ADAMTS16: variants seen among roughly 807,000 people sequenced by gnomAD.
The protein encoded by ADAMTS16 is ADAM metallopeptidase with thrombospondin type 1 motif 16.
In ADAMTS16, 94 loss-of-function variants were observed where a neutral mutation model predicts 145.8. The ratio of observed to expected loss-of-function variants is 0.64; its 90% CI spans 0.55 to 0.77. The LOEUF is 0.77. ADAMTS16 is among the 30% of genes least tolerant of loss of function. The pLI is 0.00. For missense variants in ADAMTS16, 1,585 were observed against 1,591.5 expected, an observed-to-expected ratio of 1.00 and a Z score of 0.07; for synonymous variants, 659 against 604.3, an observed-to-expected ratio of 1.09 and a Z score of -1.33.
At chr5:5,153,456 C>A (rs976377563) in intron 3 of ADAMTS16, among the ~76,000 whole-genome samples, 5 of 151,894 alleles carry the variant, frequency 3.3e-5, no homozygotes, top group African/African-American at 1.2e-4. Flanking sequence ...AATCCTATAT[C>A]TTCTCAACCT....
intron 18 of ADAMTS16, among the ~76,000 whole-genome samples, chr5:5,277,518 G>T (rs945241163): frequency 2.0e-5 from 3 of 152,130 alleles, no homozygotes; most frequent in Non-Finnish European, 4.4e-5. Flanking sequence ...GAATGCATGG[G>T]TTTGTCTGGA....
At position 5,146,374 on chromosome 5, in the gene ADAMTS16, G is replaced by T. The variant is rs578126529; in HGVS notation, c.420G>T (p.Pro140=). Residue 140 remains proline (P), a synonymous_variant, in exon 3 of 23, where the codon CCG becomes CCT. Coordinates refer to ENST00000274181, the MANE Select transcript of ADAMTS16 (RefSeq NM_139056.4). ...GCACTAAGTCTGTGCAGACTTTACC[G>T]CCAGAGGACTTCTGTTTCTATCAAG... is the stretch of plus-strand genomic sequence containing the variant. ...KTGTKSVQTL[P]PEDFCFYQGS... The T allele has an allele frequency of 1.2e-6, 2 of 1,614,062 alleles. No individual in the cohort carries two copies. Among genetic ancestry groups the T allele is most frequent in the South Asian group, 2.2e-5 (2 of 91,076 alleles).
intron 12 of ADAMTS16, 48 bp from the exon 13 acceptor site, chr5:5,234,966 A>C: frequency 2.0e-5 from 28 of 1,428,354 alleles, no homozygotes; most frequent in Non-Finnish European, 2.3e-5. Context: ...TAAAGAATTT[A>C]GTAGCTACTA....
At chr5:5,241,959 T>C in intron 16 of ADAMTS16, 94 bp from the exon 17 acceptor site, 1 of 1,384,656 alleles carries the variant, frequency 7.2e-7, no homozygotes, top group Non-Finnish European at 9.9e-7. Flanking sequence ...TTCTTGTTGA[T>C]TGATTATTGT....
At chr5:5,152,133 A>T (rs2560421) in intron 3 of ADAMTS16, among the ~76,000 whole-genome samples, 121,276 of 152,210 alleles carry the variant, frequency 0.8, 48,511 homozygotes, top group Admixed American at 0.85. Context: ...TAGGCATGAA[A>T]TTCCCACATT....
At chr5:5,228,839 C>T (rs1416953347) in intron 11 of ADAMTS16, among the ~76,000 whole-genome samples, 1 of 152,198 alleles carries the variant, frequency 6.6e-6, no homozygotes, top group Non-Finnish European at 1.5e-5. Flanking sequence ...TTCTTAGCTC[C>T]CACATTTTAG....
chr5:5,315,961 AACAG>A (rs1249456174), intron 21 of ADAMTS16, among the ~76,000 whole-genome samples: 4 of 152,168 alleles, frequency 2.6e-5, no homozygotes, highest in Non-Finnish European at 5.9e-5. Flanking sequence ...AGGGGAAAAA[AACAG>A]ACAAACAGTT....
rs200262904 is a variant in ADAMTS16, at chr5:5,239,907, C to G, written c.2505C>G (p.Asn835Lys). 6 of 1,613,896 alleles carry G rather than the reference C, an allele frequency of 3.7e-6. No individual in the cohort carries two copies. The highest frequency in any genetic ancestry group is 1.3e-5 in the African/African-American group (1 of 74,994). ...PENLIATGPTNETLIVELLFQ... is the reference protein window; with the variant it reads ...PENLIATGPTKETLIVELLFQ... ...ACTTAATCGCTACTGGACCAACCAA[C>G]GAGACACTGATTGTGGAGGTAAAGT... Residue 835 changes from asparagine (N) to lysine (K), a missense_variant, in exon 16 of 23, where the codon AAC becomes AAG. By Grantham distance (94) the Asn-to-Lys change is moderately conservative. Transcript: ENST00000274181.
At chr5:5,215,706 A>G (rs1452634162) in intron 10 of ADAMTS16, among the ~76,000 whole-genome samples, 1 of 120,188 alleles carries the variant, frequency 8.3e-6, no homozygotes, top group East Asian at 3.0e-4. Flanking sequence ...ACATATATAT[A>G]TATATATGTG....
chr5:5,187,911 C>T (rs1735552602), intron 6 of ADAMTS16, 103 bp downstream of exon 6: 8 of 701,156 alleles, frequency 1.1e-5, no homozygotes, highest in South Asian at 8.1e-5. Flanking sequence ...TCTTCTCTCT[C>T]GAGGGCAAAA....
chr5:5,312,436 TTTG>T (rs1165559672), intron 21 of ADAMTS16, among the ~76,000 whole-genome samples: 13 of 144,814 alleles, frequency 9.0e-5, no homozygotes, highest in African/African-American at 3.1e-4. Flanking sequence ...TTTGTTGTTT[TTTG>T]TTGTTGTTAT....
At chr5:5,286,100 G>T (rs559129830) in intron 18 of ADAMTS16, among the ~76,000 whole-genome samples, 2 of 152,244 alleles carry the variant, frequency 1.3e-5, no homozygotes, top group Admixed American at 1.3e-4. Flanking sequence ...AATGCTACAT[G>T]GGTTGGCTGC....
intron 21 of ADAMTS16, among the ~76,000 whole-genome samples, chr5:5,316,374 G>A (rs1421131017): frequency 6.6e-6 from 1 of 152,140 alleles, no homozygotes; most frequent in African/African-American, 2.4e-5. Flanking sequence ...CTTCTTGCAG[G>A]TGCTCCTTTA....
chr5:5,208,147 C>G (rs1020370933), intron 9 of ADAMTS16, among the ~76,000 whole-genome samples: 1 of 152,198 alleles, frequency 6.6e-6, no homozygotes, highest in South Asian at 2.1e-4. Context: ...CCCATCTGGG[C>G]TATATGTTGC....
At chr5:5,308,119 C>T (rs1391187707) in intron 21 of ADAMTS16, among the ~76,000 whole-genome samples, 1 of 152,248 alleles carries the variant, frequency 6.6e-6, no homozygotes, top group Admixed American at 6.5e-5. Context: ...TGAAGTCTTA[C>T]GTTGATCGTG....
intron 9 of ADAMTS16, among the ~76,000 whole-genome samples, chr5:5,206,404 C>T (rs1290669778): frequency 1.8e-4 from 15 of 85,590 alleles, no homozygotes; most frequent in Admixed American, 9.5e-4. Flanking sequence ...CCAGCCTGGG[C>T]GACAGAGCGA....
intron 9 of ADAMTS16, among the ~76,000 whole-genome samples, chr5:5,201,642 T>G (rs1464980037): frequency 1.3e-5 from 2 of 151,936 alleles, no homozygotes; most frequent in Admixed American, 1.3e-4. Context: ...CATGCACCAA[T>G]GAAATAATCT....
intron 9 of ADAMTS16, among the ~76,000 whole-genome samples, chr5:5,205,186 C>A (rs1369320345): frequency 1.3e-5 from 2 of 151,762 alleles, no homozygotes; most frequent in Non-Finnish European, 1.5e-5. Context: ...AAAATCTTCT[C>A]TGACTCTGTG....
chr5:5,288,446 A>G (rs190556695), intron 18 of ADAMTS16, among the ~76,000 whole-genome samples: 1 of 152,240 alleles, frequency 6.6e-6, no homozygotes, highest in Non-Finnish European at 1.5e-5. Flanking sequence ...CTGTATGTGC[A>G]TAATGACTAA....
Sources: allele counts gnomAD v4.1 joint callset (sites outside exome capture counted in the v4.1 genomes callset), GRCh38; gene constraint gnomAD v4.1.1; transcripts MANE v1.5; gene names NCBI Gene and HGNC (gene_info 2026-07-23, HGNC 2026-07-21).